NCOA1: variants seen among roughly 807,000 people sequenced by gnomAD.
NCOA1 encodes the protein Hin-2 protein.
In NCOA1, 35 loss-of-function variants were observed where a neutral mutation model predicts 150.9. The observed-to-expected ratio is 0.23, with a 90% confidence interval of 0.18 to 0.31. The LOEUF is 0.31. Among genes scored for constraint, NCOA1 ranks in the 10% least tolerant of loss-of-function variants. The probability of loss-of-function intolerance (pLI) is 1.00; values close to 1 mark genes in which losing one functional copy is unlikely to be tolerated. For missense variants in NCOA1, 1,491 were observed against 1,749.3 expected (o/e 0.85, Z 2.63); for synonymous variants, 590 against 630.0 (o/e 0.94, Z 0.95).
intron 3 of NCOA1, among the ~76,000 whole-genome samples, chr2:24,590,641 A>G (rs747775770): frequency 6.6e-6 from 1 of 152,132 alleles, no homozygotes; most frequent in Non-Finnish European, 1.5e-5. Context: ...TCTGCCTTGT[A>G]GCTCTTCCCT....
intron 22 of NCOA1, among the ~76,000 whole-genome samples, chr2:24,763,922 A>T (rs1425146018): frequency 6.6e-6 from 1 of 152,082 alleles, no homozygotes; most frequent in Non-Finnish European, 1.5e-5. Context: ...ACGCCAGGCC[A>T]GACTTTAGTC....
At chr2:24,601,836 G>A (rs560005818) in intron 3 of NCOA1, among the ~76,000 whole-genome samples, 1 of 151,148 alleles carries the variant, frequency 6.6e-6, no homozygotes, top group East Asian at 2.0e-4. Flanking sequence ...GGGTTTCACC[G>A]TGTTGCCCAG....
At chr2:24,574,613 C>G (rs1045383728) in intron 2 of NCOA1, among the ~76,000 whole-genome samples, 2 of 152,052 alleles carry the variant, frequency 1.3e-5, no homozygotes, top group East Asian at 1.9e-4. Flanking sequence ...CTGGCACTCT[C>G]CTTTGTGTAG....
At chr2:24,727,261 A>T (rs1328483826) in intron 15 of NCOA1, among the ~76,000 whole-genome samples, 3 of 152,088 alleles carry the variant, frequency 2.0e-5, no homozygotes, top group Non-Finnish European at 4.4e-5. Flanking sequence ...GATTGATATA[A>T]TATGTAGCTA....
intron 1 of NCOA1, among the ~76,000 whole-genome samples, chr2:24,517,404 C>G (rs1664246776): frequency 6.6e-6 from 1 of 151,906 alleles, no homozygotes; most frequent in Non-Finnish European, 1.5e-5. Context: ...TCATTTGTAC[C>G]TGGAGTACAC....
chr2:24,673,439 A>G lies in NCOA1; in HGVS notation c.330A>G (p.Glu110=). Residue 110 remains glutamate, a synonymous_variant, in exon 7 of 23, where the codon GAA becomes GAG. Coordinates refer to ENST00000348332, the MANE Select transcript of NCOA1 (RefSeq NM_003743.5). The part of the protein sequence containing the change: ...SSSSQGVIEK[E]SLGPLLLEAL... ...GTAGTCAAGGAGTGATAGAAAAGGA[A>G]TCCTTGGGACCTCTTCTTTTGGAGG... 6.3e-7 allele frequency: 1 copy of G among 1,592,458 alleles called. No individual in the cohort carries two copies. The highest frequency in any genetic ancestry group is 8.5e-7 in the Non-Finnish European group (1 of 1,172,262).
chr2:24,595,005 C>T (rs1021754748), intron 3 of NCOA1, among the ~76,000 whole-genome samples: 8 of 151,956 alleles, frequency 5.3e-5, no homozygotes, highest in African/African-American at 7.2e-5. Context: ...TGTTTAACTT[C>T]GGAATTCTAA....
At chr2:24,525,492 A>G (rs536787364) in intron 1 of NCOA1, among the ~76,000 whole-genome samples, 4 of 152,024 alleles carry the variant, frequency 2.6e-5, no homozygotes, top group Admixed American at 6.5e-5. Context: ...CTACTTGATT[A>G]TCTTTAGTAA....
At chr2:24,520,834 TGTA>T (rs1664387151) in intron 1 of NCOA1, among the ~76,000 whole-genome samples, 1 of 152,226 alleles carries the variant, frequency 6.6e-6, no homozygotes, top group Non-Finnish European at 1.5e-5. Flanking sequence ...TCAAAGTCTG[TGTA>T]GTGTCCTACA....
intron 1 of NCOA1, among the ~76,000 whole-genome samples, chr2:24,501,035 G>A (rs77901558): frequency 0.093 from 14,112 of 152,180 alleles, 749 homozygotes; most frequent in African/African-American, 0.14. Flanking sequence ...GAGCTGTTTA[G>A]TGATTTTGAG....
At chr2:24,736,067 T>C (rs1358301798) in intron 17 of NCOA1, among the ~76,000 whole-genome samples, 7 of 151,366 alleles carry the variant, frequency 4.6e-5, no homozygotes, top group Non-Finnish European at 8.8e-5. Context: ...ACTAAAAATA[T>C]AAAATTAGCC....
intron 3 of NCOA1, among the ~76,000 whole-genome samples, chr2:24,617,920 CTG>C (rs1668947381): frequency 6.6e-6 from 1 of 151,960 alleles, no homozygotes; most frequent in African/African-American, 2.4e-5. Context: ...AGTAAAATCT[CTG>C]TGGAATATTT....
At chr2:24,527,407 A>G (rs1356830324) in intron 1 of NCOA1, among the ~76,000 whole-genome samples, 1 of 152,052 alleles carries the variant, frequency 6.6e-6, no homozygotes, top group Non-Finnish European at 1.5e-5. Context: ...AGGTCATATA[A>G]TCTTCTTATT....
At chr2:24,656,518 GT>G (rs1670958961) in intron 4 of NCOA1, among the ~76,000 whole-genome samples, 1 of 152,096 alleles carries the variant, frequency 6.6e-6, no homozygotes, top group South Asian at 2.1e-4. Flanking sequence ...AAAATAAATT[GT>G]TGTTAATTAT....
At chr2:24,730,102 C>T (rs533324576) in intron 17 of NCOA1, among the ~76,000 whole-genome samples, 1 of 152,266 alleles carries the variant, frequency 6.6e-6, no homozygotes, top group Admixed American at 6.5e-5. Flanking sequence ...CCTCGGCCTC[C>T]CAAAGTGCTG....
At chr2:24,682,892 A>G in intron 7 of NCOA1, 59 bp from the exon 8 acceptor site, 4 of 1,408,432 alleles carry the variant, frequency 2.8e-6, no homozygotes, top group Non-Finnish European at 3.9e-6. Context: ...AAAAATGTAT[A>G]GTTTAATTTT....
chr2:24,621,097 G>A (rs1317533270), intron 3 of NCOA1, among the ~76,000 whole-genome samples: 3 of 151,918 alleles, frequency 2.0e-5, no homozygotes, highest in African/African-American at 7.3e-5. Context: ...CCCTGCTTTC[G>A]TCATGGGAAG....
chr2:24,604,468 A>T (rs1490929353), intron 3 of NCOA1, among the ~76,000 whole-genome samples: 2 of 152,226 alleles, frequency 1.3e-5, no homozygotes, highest in Non-Finnish European at 2.9e-5. Flanking sequence ...CACTTTCATC[A>T]TAGTTAGATC....
chr2:24,668,250 T>C (rs565972134), intron 6 of NCOA1, among the ~76,000 whole-genome samples: 1 of 152,224 alleles, frequency 6.6e-6, no homozygotes, highest in South Asian at 2.1e-4. Context: ...AGGGAATAAA[T>C]GATAAGAGAA....
Sources: gnomAD v4.1 joint callset for allele counts (sites outside exome capture counted in the v4.1 genomes callset) on GRCh38, gnomAD v4.1.1 for gene constraint, MANE v1.5 for transcripts, NCBI Gene and HGNC (gene_info 2026-07-23, HGNC 2026-07-21) for gene names.